Variants in B3GALT5 observed in about 807,000 individuals in gnomAD.
The protein encoded by B3GALT5 is beta-1,3-galactosyltransferase 5, also known as UDP-Gal:betaGlcNAc beta 1,3-galactosyltransferase, polypeptide 5.
For synonymous variants in B3GALT5, 156 were observed against 158.6 expected (o/e 0.98, Z 0.12); for missense variants, 328 against 396.6 (o/e 0.83, Z 1.47).
chr21:39,623,163 TTC>T (rs367888842), intron 1 of B3GALT5, among the ~76,000 whole-genome samples: 1,771 of 125,714 alleles, frequency 0.014, 76 homozygotes, highest in African/African-American at 0.051. Context: ...TTCTCTTTCT[TTC>T]TCTCTCTCTC....
intron 1 of B3GALT5, among the ~76,000 whole-genome samples, chr21:39,642,654 A>G (rs949193505): frequency 6.6e-6 from 1 of 152,248 alleles, no homozygotes; most frequent in African/African-American, 2.4e-5. Context: ...AATACAGACA[A>G]GAACATTTTC....
intron 2 of B3GALT5, among the ~76,000 whole-genome samples, chr21:39,651,775 G>T (rs1569217639): frequency 6.6e-6 from 1 of 151,892 alleles, no homozygotes. Flanking sequence ...AGTTAAGGCA[G>T]TTTTTTTTAT....
chr21:39,657,447 C>T (rs551861948), intron 2 of B3GALT5: 5 of 154,886 alleles, frequency 3.2e-5, no homozygotes, highest in East Asian at 1.9e-4. Flanking sequence ...CCTTTGGACC[C>T]GAGGATTTAT....
intron 1 of B3GALT5, among the ~76,000 whole-genome samples, chr21:39,644,637 T>C (rs969953111): frequency 2.0e-5 from 3 of 151,944 alleles, no homozygotes; most frequent in African/African-American, 7.3e-5. Flanking sequence ...CTAGAGAGAG[T>C]GAAGGAATGT....
chr21:39,648,670 T>C (rs1011629511), intron 2 of B3GALT5, among the ~76,000 whole-genome samples: 1 of 152,170 alleles, frequency 6.6e-6, no homozygotes, highest in African/African-American at 2.4e-5. Context: ...AGGTGCTCAA[T>C]AAACGCTGGG....
chr21:39,626,563 C>T (rs1444215379), intron 1 of B3GALT5, among the ~76,000 whole-genome samples: 1 of 152,066 alleles, frequency 6.6e-6, no homozygotes, highest in African/African-American at 2.4e-5. Flanking sequence ...ACAGGGGTTC[C>T]AGATTTTCCA....
At chr21:39,650,668 G>C (rs757122005) in intron 2 of B3GALT5, among the ~76,000 whole-genome samples, 3 of 152,294 alleles carry the variant, frequency 2.0e-5, no homozygotes, top group South Asian at 4.1e-4. Context: ...AAGGGTCCCA[G>C]CTGAGCCGGG....
intron 1 of B3GALT5, among the ~76,000 whole-genome samples, chr21:39,627,666 ATT>A (rs1325406191): frequency 1.3e-5 from 2 of 151,596 alleles, no homozygotes; most frequent in East Asian, 3.9e-4. Context: ...TACACAGGAG[ATT>A]CCAATCAAGT....
chr21:39,671,703 A>T lies in B3GALT5; in HGVS notation c.*10211A>T, dbSNP rs1197366992. ...GTGTATTTGAAGTAAACTCTTAACT[A>T]TGTCTCTGGGATATGAAAGGTGCTT... On this transcript the variant is annotated 3_prime_UTR_variant, in exon 4 of 4. Coordinates refer to ENST00000684187, the MANE Select transcript of B3GALT5 (RefSeq NM_001356336.2). 6.6e-6 allele frequency: 1 copy of T among 152,198 alleles called. No homozygotes were observed. Among genetic ancestry groups the T allele is most frequent in the East Asian group, 1.9e-4 (1 of 5,196 alleles). 9.4% of individuals were successfully genotyped at this position (152,198 alleles called of 1,614,324 possible). A position where few individuals can be genotyped will look rare whatever the true frequency, so the allele number is the denominator to read the frequency against.
At chr21:39,619,439 C>T (rs573618820) in intron 1 of B3GALT5, among the ~76,000 whole-genome samples, 1 of 152,266 alleles carries the variant, frequency 6.6e-6, no homozygotes, top group East Asian at 1.9e-4. Flanking sequence ...AGCTTTAACA[C>T]ATGAACTTTG....
intron 1 of B3GALT5, among the ~76,000 whole-genome samples, chr21:39,615,651 G>C (rs1302963387): frequency 6.6e-6 from 1 of 152,210 alleles, no homozygotes; most frequent in East Asian, 1.9e-4. Context: ...ACAGGTACTT[G>C]TTATATGACC....
At chr21:39,652,380 C>T (rs769781105) in intron 2 of B3GALT5, among the ~76,000 whole-genome samples, 18 of 152,226 alleles carry the variant, frequency 1.2e-4, no homozygotes, top group South Asian at 4.1e-4. Context: ...TTTGTTAGGA[C>T]GGAAATAATT....
intron 1 of B3GALT5, among the ~76,000 whole-genome samples, chr21:39,631,360 C>T (rs987550866): frequency 1.3e-5 from 2 of 152,088 alleles, no homozygotes; most frequent in South Asian, 2.1e-4. Context: ...CCCTCATCTC[C>T]GCCTTCATCG....
At position 39,665,345 on chromosome 21, in the gene B3GALT5, C is replaced by G. The variant is rs1275615319; in HGVS notation, c.*3853C>G. ...TCGTGCAGCTACCTCCAGACCCTCC[C>G]TCAGCTTCCATTATTGCATCCTTTG... is the stretch of plus-strand genomic sequence containing the variant. On this transcript the variant is annotated 3_prime_UTR_variant, in exon 4 of 4. Coordinates refer to ENST00000684187, the MANE Select transcript of B3GALT5 (RefSeq NM_001356336.2). 1 of 152,376 alleles carries G rather than the reference C, an allele frequency of 6.6e-6. No individual in the cohort carries two copies. The highest frequency in any genetic ancestry group is 2.4e-5 in the African/African-American group (1 of 41,450). 9.4% of individuals were successfully genotyped at this position (152,376 alleles called of 1,614,324 possible). A position where few individuals can be genotyped will look rare whatever the true frequency, so the allele number is the denominator to read the frequency against.
intron 1 of B3GALT5, among the ~76,000 whole-genome samples, chr21:39,618,465 G>T (rs2079118207): frequency 6.6e-6 from 1 of 152,034 alleles, no homozygotes; most frequent in Non-Finnish European, 1.5e-5. Flanking sequence ...AGAATTATTG[G>T]ATTTTTAAAT....
chr21:39,661,484 C>T lies in B3GALT5; in HGVS notation c.925C>T (p.Pro309Ser). 6.6e-7 allele frequency: 1 copy of T among 1,508,594 alleles called. No individual in the cohort carries two copies. Among genetic ancestry groups the T allele is most frequent in the Non-Finnish European group, 8.8e-7 (1 of 1,130,028 alleles). The allele number at this position is 1,508,594 out of a possible 1,614,324, so 93.5% of individuals were successfully genotyped here. Residue 309 changes from proline (P) to serine (S), a missense_variant, in exon 4 of 4, where the codon CCT (proline) becomes TCT (serine). Physicochemically the swap from Pro to Ser is moderately conservative, Grantham distance 74. Transcript: ENST00000684187. This position sits in a 1 kb window ranked among gnomAD's most constrained non-coding sequence, Gnocchi z 4.7. ...GAATTCCCGGGGGGAAGATTGTCCG[C>T]CTGTCTGAGGGGAGCCCAGAGGCAC... ...LENSRGEDCP[P>S]V
At chr21:39,617,963 C>T (rs570853447) in intron 1 of B3GALT5, among the ~76,000 whole-genome samples, 1 of 151,754 alleles carries the variant, frequency 6.6e-6, no homozygotes, top group African/African-American at 2.4e-5. Flanking sequence ...CATAGCGAAT[C>T]CTCATCTCTA....
chr21:39,660,488 C>T, intron 3 of B3GALT5, 72 bp from the exon 4 acceptor site: 1 of 1,289,484 alleles, frequency 7.8e-7, no homozygotes, highest in Non-Finnish European at 1.0e-6. Flanking sequence ...TCTCCCACCT[C>T]AGCCTCCTAG....
At chr21:39,620,793 G>T (rs1028462569) in intron 1 of B3GALT5, among the ~76,000 whole-genome samples, 1 of 152,170 alleles carries the variant, frequency 6.6e-6, no homozygotes, top group Non-Finnish European at 1.5e-5. Flanking sequence ...AGATAAACTT[G>T]CAGTGTTAAG....
Sources: allele counts gnomAD v4.1 joint callset (sites outside exome capture counted in the v4.1 genomes callset), GRCh38; gene constraint gnomAD v4.1.1; non-coding constraint Gnocchi (gnomAD v3.1); transcripts MANE v1.5; gene names NCBI Gene and HGNC (gene_info 2026-07-23, HGNC 2026-07-21).